HIPK1: variants seen among roughly 807,000 people sequenced by gnomAD.
HIPK1 encodes the protein homeodomain interacting protein kinase 1, also known as homeodomain-interacting protein kinase 1.
A neutral mutation model predicts 117.1 loss-of-function variants in HIPK1; 28 were observed. That is an observed-to-expected ratio of 0.24 (90% CI 0.18 to 0.33). The LOEUF (loss-of-function observed/expected upper bound fraction) is 0.33, where lower values mean the gene tolerates loss of function less well. Ranked by LOEUF, HIPK1 falls within the 10% of genes least tolerant of loss-of-function variation. The pLI, the probability that HIPK1 is intolerant of heterozygous loss-of-function variation, is 1.00. For missense variants in HIPK1, 1,122 were observed against 1,475.1 expected, an observed-to-expected ratio of 0.76 and a Z score of 3.92; for synonymous variants, 605 against 562.5, an observed-to-expected ratio of 1.08 and a Z score of -1.07.
At chr1:113,929,797 A>C (rs1669718472) in intron 1 of HIPK1, 1 of 930,860 alleles carries the variant, frequency 1.1e-6, no homozygotes, top group Non-Finnish European at 1.3e-6. Context: ...GGGCGCGGGG[A>C]CGGCTCCGGG....
rs753135199 is a variant in HIPK1, at chr1:113,958,024, C to G, written c.1756-42C>G. On this transcript the variant is annotated intron_variant, in intron 7 of 15. Coordinates refer to ENST00000426820, the MANE Select transcript of HIPK1 (RefSeq NM_198268.3). ...GTATATATAAAATTATTGTGTGTCT[C>G]TACTTAATACAAGTGTACAAATATA... is the stretch of plus-strand genomic sequence containing the variant. 3.0e-6 allele frequency: 4 copies of G among 1,353,814 alleles called. No individual in the cohort carries two copies. The South Asian group carries it at 4.7e-5, about 16-fold the overall frequency. The allele number at this position is 1,353,814 out of a possible 1,614,324, so 83.9% of individuals were successfully genotyped here.
At chr1:113,945,101 G>A (rs1037663093) in intron 2 of HIPK1, among the ~76,000 whole-genome samples, 8 of 151,312 alleles carry the variant, frequency 5.3e-5, no homozygotes, top group Non-Finnish European at 1.0e-4. Context: ...TGCCCGCCTC[G>A]GCAACCCAAA....
At chr1:113,929,653 G>T (rs1006365129) in intron 1 of HIPK1, 121 bp downstream of exon 1, 2 of 971,872 alleles carry the variant, frequency 2.1e-6, no homozygotes, top group South Asian at 1.6e-5. Context: ...GCGGAGCAAG[G>T]GGCCCGGCGG....
chr1:113,962,378 G>C lies in HIPK1; in HGVS notation c.2043G>C (p.Pro681=), dbSNP rs17852555. The change falls in exon 9 of 16, where the codon CCG becomes CCC. Residue 681 remains proline (P), a synonymous_variant. Transcript: ENST00000426820. The part of the protein sequence containing the change: ...GFPVRMDNAV[P]IVPQAPAAQP... ...CTGTGAGGATGGATAATGCTGTACCGATTGTACCCCAGGCACCAGCTGCTC... is the reference window on the plus strand; with the variant it reads ...CTGTGAGGATGGATAATGCTGTACCCATTGTACCCCAGGCACCAGCTGCTC... 1.2e-6 allele frequency: 2 copies of C among 1,613,644 alleles called. No individual in the cohort carries two copies. The highest frequency in any genetic ancestry group is 1.7e-5 in the Admixed American group (1 of 59,978).
At chr1:113,954,609 CTT>C in intron 3 of HIPK1, 40 bp from the exon 4 acceptor site, 1 of 1,605,466 alleles carries the variant, frequency 6.2e-7, no homozygotes, top group Non-Finnish European at 8.5e-7. Context: ...AATAATTTCC[CTT>C]TTCACTCCAA....
rs1673122129 is a variant in HIPK1, at chr1:113,976,097, C to CA, written c.*2588dup. ...ACCAGGTTGAACACCGAGGAGCTGT[C>CA]AAAGTATTTGGAGTTTCTTCATTGT... On this transcript the variant is annotated 3_prime_UTR_variant, in exon 16 of 16. Transcript: ENST00000426820. The CA allele has an allele frequency of 6.5e-6, 1 of 152,714 alleles. No individual in the cohort carries two copies. The highest frequency in any genetic ancestry group is 1.5e-5 in the Non-Finnish European group (1 of 68,038). The allele number at this position is 152,714 out of a possible 1,614,324, so 9.5% of individuals were successfully genotyped here.
At chr1:113,929,773 T>C (rs1571627024) in intron 1 of HIPK1, 3 of 771,856 alleles carry the variant, frequency 3.9e-6, no homozygotes, top group Non-Finnish European at 4.5e-6. Context: ...CTGAGGAGGC[T>C]CCCCCTGCGG....
In HIPK1 at chr1:113,933,063, T is replaced by C. The variant is rs1670004055; in HGVS notation, c.-3+3531T>C. The stretch of plus-strand genomic sequence containing the variant: ...CTAAGCTTTATAGACCTATAGACTG[T>C]TATGTGCAGGTACTAAAATGTAGTA... On this transcript the variant is annotated intron_variant, in intron 1 of 15. Transcript: ENST00000426820. 6 of 312,038 alleles carry C rather than the reference T, an allele frequency of 1.9e-5. No individual in the cohort carries two copies. The South Asian group carries it at 7.5e-4, about 39-fold the overall frequency. The allele number at this position is 312,038 out of a possible 1,614,324, so 19.3% of individuals were successfully genotyped here.
Position 113,940,585 on chromosome 1 carries a change from C to G in HIPK1, c.202C>G (p.Pro68Ala), listed in dbSNP as rs377020839. The G allele has an allele frequency of 5.6e-6, 9 of 1,614,080 alleles. No individual in the cohort carries two copies. Among genetic ancestry groups the G allele is most frequent in the Non-Finnish European group, 7.6e-6 (9 of 1,180,050 alleles). ...SSHQVANFNI[P>A]AYDQGLLLPA... Reference sequence around the variant, plus strand: ...TCACCAGGTAGCAAATTTCAACATCCCTGCTTACGACCAGGGCCTCCTCCT... The same window carrying G: ...TCACCAGGTAGCAAATTTCAACATCGCTGCTTACGACCAGGGCCTCCTCCT... Residue 68 changes from proline (P) to alanine (A), a missense_variant, in exon 2 of 16, where the codon CCT becomes GCT. Pro to Ala is a conservative substitution (Grantham distance 27). Transcript: ENST00000426820.
intron 1 of HIPK1, among the ~76,000 whole-genome samples, chr1:113,934,844 G>A (rs558380126): frequency 3.4e-4 from 50 of 146,858 alleles, no homozygotes; most frequent in African/African-American, 1.1e-3. Context: ...GTAGAAATTA[G>A]CCAAGCGTCC....
intron 1 of HIPK1, among the ~76,000 whole-genome samples, chr1:113,931,762 C>T (rs1193907456): frequency 6.6e-6 from 1 of 152,162 alleles, no homozygotes. Flanking sequence ...ATCAGTGAGT[C>T]ATACCGGCCT....
chr1:113,973,268 C>T lies in HIPK1; in HGVS notation c.3389C>T (p.Ala1130Val). 1.2e-6 allele frequency: 2 copies of T among 1,614,154 alleles called. No homozygotes were observed. Among genetic ancestry groups the T allele is most frequent in the Non-Finnish European group, 1.7e-6 (2 of 1,180,032 alleles). The change falls in exon 16 of 16, where the codon GCT (alanine) becomes GTT (valine). Residue 1130 changes from alanine to valine, a missense_variant. Physicochemically the swap from Ala to Val is moderately conservative, Grantham distance 64. Transcript: ENST00000426820. Reference sequence around the variant, plus strand: ...GCACTGGGCTCAACCAGCTCCATTGCTCATCTTTTCTCCCCACAGGGTTCC... The same window carrying T: ...GCACTGGGCTCAACCAGCTCCATTGTTCATCTTTTCTCCCCACAGGGTTCC... ...AAALGSTSSI[A>V]HLFSPQGSSR...
intron 1 of HIPK1, among the ~76,000 whole-genome samples, chr1:113,938,927 A>AG (rs60152674): frequency 8.4e-6 from 1 of 118,456 alleles, no homozygotes; most frequent in African/African-American, 3.3e-5. Flanking sequence ...AAAAAAAAAA[A>AG]ATACACACAC....
rs552227131 is a variant in HIPK1 at position 113,937,047 on chromosome 1, A to G, written c.-2-3335A>G. ...TTGTAAAGGAGGTACTTGGTTTCAGATTTTTCTTTTATTATATTTGGTATT... is the reference window on the plus strand; with the variant it reads ...TTGTAAAGGAGGTACTTGGTTTCAGGTTTTTCTTTTATTATATTTGGTATT... On this transcript the variant is annotated intron_variant, in intron 1 of 15. Transcript: ENST00000426820. Among the ~76,000 whole-genome samples the G allele has an allele frequency of 2.5e-4, 38 of 152,252 alleles. No individual in the cohort carries two copies. In the South Asian group the frequency reaches 4.3e-3, roughly 17 times the overall value.
intron 8 of HIPK1, among the ~76,000 whole-genome samples, chr1:113,959,560 G>A (rs551480041): frequency 1.6e-4 from 24 of 152,320 alleles, no homozygotes; most frequent in African/African-American, 5.8e-4. Flanking sequence ...ACAGTTTTCA[G>A]ATGTGGGACC....
At chr1:113,930,783 T>G (rs1669829546) in intron 1 of HIPK1, 1 of 152,144 alleles carries the variant, frequency 6.6e-6, no homozygotes, top group Non-Finnish European at 1.5e-5. Context: ...GGGCGAGCTT[T>G]CTTTCCTACT....
intron 6 of HIPK1, 129 bp downstream of exon 6, chr1:113,956,940 T>C: frequency 1.1e-6 from 1 of 951,978 alleles, no homozygotes; most frequent in East Asian, 2.5e-5. Flanking sequence ...CTTTTCTTTC[T>C]CATTGAAACA....
chr1:113,955,686 TTTTAATCAGAGACACTTCTG>T, intron 5 of HIPK1, 37 bp downstream of exon 5: 1 of 1,119,270 alleles, frequency 8.9e-7, no homozygotes, highest in Non-Finnish European at 1.3e-6. Context: ...AGACATTTAT[TTTTAATCAGAGACACTTCTG>T]TTGATTATAC....
chr1:113,967,367 C>T (rs1027339903), intron 11 of HIPK1, among the ~76,000 whole-genome samples: 6 of 152,102 alleles, frequency 3.9e-5, no homozygotes, highest in South Asian at 4.1e-4. Context: ...TCCCTTTTTT[C>T]CATATCCTTG....
Sources: gnomAD v4.1 joint callset for allele counts (sites outside exome capture counted in the v4.1 genomes callset) on GRCh38, gnomAD v4.1.1 for gene constraint, MANE v1.5 for transcripts, NCBI Gene and HGNC (gene_info 2026-07-23, HGNC 2026-07-21) for gene names.